PPP4R3A: variants seen among roughly 807,000 people sequenced by gnomAD.
The protein encoded by PPP4R3A is serine/threonine-protein phosphatase 4 regulatory subunit 3A.
A neutral mutation model predicts 91.7 loss-of-function variants in PPP4R3A; 15 were observed. The ratio of observed to expected loss-of-function variants is 0.16; its 90% CI spans 0.11 to 0.25. PPP4R3A has a LOEUF of 0.25. Among genes scored for constraint, PPP4R3A ranks in the 10% least tolerant of loss-of-function variants. The pLI is 1.00. For missense variants in PPP4R3A, 623 were observed against 998.4 expected (o/e 0.62, Z 5.07); for synonymous variants, 377 against 348.7 (o/e 1.08, Z -0.91).
In PPP4R3A at chr14:91,507,420, A is replaced by ATATATAATTATATATACTACATAG. The variant is rs1566660364; in HGVS notation, c.142+2085_142+2086insCTATGTAGTATATATAATTATATA. Among the ~76,000 whole-genome samples the ATATATAATTATATATACTACATAG allele has an allele frequency of 1.8e-4, 14 of 79,750 alleles. 2 individuals are homozygous for ATATATAATTATATATACTACATAG. Among genetic ancestry groups the ATATATAATTATATATACTACATAG allele is most frequent in the Admixed American group, 3.4e-4 (2 of 5,830 alleles). The allele number at this position is 79,750 out of a possible 152,430, so 52.3% of individuals were successfully genotyped here. A position where few individuals can be genotyped will look rare whatever the true frequency, so the allele number is the denominator to read the frequency against. On this transcript the variant is annotated intron_variant, in intron 1 of 14. Coordinates refer to ENST00000554943, the MANE Select transcript of PPP4R3A (RefSeq NM_001366432.2). ...GTACTATAATTATATATACTATATA[A>ATATATAATTATATATACTACATAG]TATATATACTATAATTATATATACT...
In PPP4R3A at chr14:91,507,386, A is replaced by G. The variant is rs1035563539; in HGVS notation, c.142+2120T>C. 8.4e-4 allele frequency among the ~76,000 whole-genome samples: 81 copies of G among 96,254 alleles called. 1 individual carries two copies. Among genetic ancestry groups the G allele is most frequent in the Admixed American group, 2.4e-3 (18 of 7,528 alleles). The allele number at this position is 96,254 out of a possible 152,430, so 63.1% of individuals were successfully genotyped here. A position where few individuals can be genotyped will look rare whatever the true frequency, so the allele number is the denominator to read the frequency against. On this transcript the variant is annotated intron_variant, in intron 1 of 14. Coordinates refer to ENST00000554943, the MANE Select transcript of PPP4R3A (RefSeq NM_001366432.2). ...TATATACTATAATTATATATACTAT[A>G]TAGTATATGTACTATAATTATATAT...
chr14:91,481,582 C>A lies in PPP4R3A; in HGVS notation c.909G>T (p.Met303Ile). 1 of 1,553,300 alleles carries A rather than the reference C, an allele frequency of 6.4e-7. No homozygotes were observed. Among genetic ancestry groups the A allele is most frequent in the African/African-American group, 1.4e-5 (1 of 72,534 alleles). Reference protein sequence around the residue: ...IFFNKVEIVGMLQEDEKFLTD... With the variant: ...IFFNKVEIVGILQEDEKFLTD... ...AAGGAATGATCTAACTCACCTGCAA[C>A]ATGCCAACAATCTCTACCTTATTGA... Residue 303 changes from methionine (M) to isoleucine (I), a missense_variant, in exon 4 of 15, where the codon ATG (methionine) becomes ATT (isoleucine). Physicochemically the swap from Met to Ile is conservative, Grantham distance 10. This residue lies in a region of PPP4R3A where 264 missense variants were observed against 377.3 expected (regional missense o/e 0.70). Transcript: ENST00000554943.
chr14:91,490,825 C>G (rs1474973290), intron 1 of PPP4R3A, 23 bp from the exon 2 acceptor site: 1 of 1,575,190 alleles, frequency 6.3e-7, no homozygotes, highest in Non-Finnish European at 8.7e-7. Context: ...AAAAGACATT[C>G]CATTATGTTA....
chr14:91,501,871 A>ATTTTTTTTTTT (rs755484959), intron 1 of PPP4R3A, among the ~76,000 whole-genome samples: 11 of 100,214 alleles, frequency 1.1e-4, no homozygotes, highest in Non-Finnish European at 1.3e-4. Context: ...AGCCCGGCTA[A>ATTTTTTTTTTT]TTTTTTTTTT....
chr14:91,482,794 T>C (rs1373079258), intron 3 of PPP4R3A, among the ~76,000 whole-genome samples: 2 of 152,054 alleles, frequency 1.3e-5, no homozygotes, highest in African/African-American at 4.8e-5. Flanking sequence ...CCAAAGTGAG[T>C]CACTGATCTT....
chr14:91,461,591 T>G lies in PPP4R3A; in HGVS notation c.2181A>C (p.Glu727Asp). 6.2e-7 allele frequency: 1 copy of G among 1,613,886 alleles called. No homozygotes were observed. Among genetic ancestry groups the G allele is most frequent in the African/African-American group, 1.3e-5 (1 of 75,026 alleles). ...GGTTTGTTTTCAGAAGCACTTCCTT[T>G]TCCTCACTTTCTTTTACTAAAAATG... ...MERKKLKESE[E>D]KEVLLKTNLS... Residue 727 changes from glutamate to aspartate, a missense_variant, in exon 14 of 15, where the codon GAA (glutamate) becomes GAC (aspartate). This residue lies in a region of PPP4R3A where 201 missense variants were observed against 229.9 expected (regional missense o/e 0.87). Transcript: ENST00000554943.
At chr14:91,486,386 G>T (rs1399685224) in intron 2 of PPP4R3A, among the ~76,000 whole-genome samples, 4 of 152,048 alleles carry the variant, frequency 2.6e-5, no homozygotes, top group African/African-American at 9.7e-5. Flanking sequence ...TGTTGCCTAG[G>T]CTGGTCTTGA....
At chr14:91,503,754 TATA>T (rs1272388599) in intron 1 of PPP4R3A, among the ~76,000 whole-genome samples, 17 of 152,122 alleles carry the variant, frequency 1.1e-4, no homozygotes, top group Non-Finnish European at 1.9e-4. Flanking sequence ...AGAAAAGTAG[TATA>T]ATGATTTCAC....
chr14:91,471,002 G>C lies in PPP4R3A; in HGVS notation c.1502-7C>G. On this transcript the variant is annotated splice_polypyrimidine_tract_variant and splice_region_variant and intron_variant, in intron 9 of 14. Coordinates refer to ENST00000554943, the MANE Select transcript of PPP4R3A (RefSeq NM_001366432.2). ...TGGGCAGTCTGAAAATCATCTAAAA[G>C]AAACAAAACACAACTAATTATATTT... 6.4e-7 allele frequency: 1 copy of C among 1,573,734 alleles called. No homozygotes were observed.
chr14:91,507,460 C>CTATAATTATATATACTACATAGTATA (rs1348420326), intron 1 of PPP4R3A, among the ~76,000 whole-genome samples: 4 of 132,914 alleles, frequency 3.0e-5, no homozygotes, highest in Non-Finnish European at 6.2e-5. Flanking sequence ...AGTATATATA[C>CTATAATTATATATACTACATAGTATA]TATAATTATA....
intron 1 of PPP4R3A, among the ~76,000 whole-genome samples, chr14:91,494,911 C>T (rs1023248504): frequency 9.9e-5 from 15 of 152,076 alleles, no homozygotes; most frequent in Non-Finnish European, 2.1e-4. Flanking sequence ...TTAGTACCCA[C>T]TAGAATGTCT....
At chr14:91,495,993 C>A (rs1037350162) in intron 1 of PPP4R3A, among the ~76,000 whole-genome samples, 1 of 152,076 alleles carries the variant, frequency 6.6e-6, no homozygotes, top group African/African-American at 2.4e-5. Flanking sequence ...ACAATGGATA[C>A]CACGAACAAT....
rs1439290604 is a variant in PPP4R3A, at chr14:91,507,451, G to C, written c.142+2055C>G. ...ATACTATAATTATATATACTATATA[G>C]TATATATACTATAATTATATATACT... On this transcript the variant is annotated intron_variant, in intron 1 of 14. Transcript: ENST00000554943. Among the ~76,000 whole-genome samples, 14 of 109,164 alleles carry C rather than the reference G, an allele frequency of 1.3e-4. 1 individual carries two copies. Among genetic ancestry groups the C allele is most frequent in the African/African-American group, 5.1e-4 (14 of 27,500 alleles). 71.6% of individuals were successfully genotyped at this position (109,164 alleles called of 152,430 possible). A position where few individuals can be genotyped will look rare whatever the true frequency, so the allele number is the denominator to read the frequency against.
chr14:91,477,052 A>G (rs1889256716), intron 4 of PPP4R3A, 66 bp from the exon 5 acceptor site: 11 of 1,224,598 alleles, frequency 9.0e-6, no homozygotes, highest in Non-Finnish European at 1.3e-5. Context: ...AATTTCAGGA[A>G]TGCTTTAATA....
intron 9 of PPP4R3A, 35 bp from the exon 10 acceptor site, chr14:91,471,030 T>C (rs1888799650): frequency 6.5e-7 from 1 of 1,541,546 alleles, no homozygotes; most frequent in Non-Finnish European, 8.7e-7. Flanking sequence ...TTATATTTAA[T>C]GACTAACATT....
chr14:91,472,163 C>G (rs1888884427), intron 9 of PPP4R3A, among the ~76,000 whole-genome samples: 1 of 151,738 alleles, frequency 6.6e-6, no homozygotes, highest in Non-Finnish European at 1.5e-5. Context: ...AAAACTACCT[C>G]CTAAATTAAA....
chr14:91,500,092 TACA>T (rs1354985366), intron 1 of PPP4R3A, among the ~76,000 whole-genome samples: 1 of 152,214 alleles, frequency 6.6e-6, no homozygotes, highest in Non-Finnish European at 1.5e-5. Flanking sequence ...TGCAAGTTAA[TACA>T]ACAAGATTTA....
chr14:91,473,904 G>C (rs894463819), intron 7 of PPP4R3A, among the ~76,000 whole-genome samples: 2 of 152,094 alleles, frequency 1.3e-5, no homozygotes, highest in Non-Finnish European at 2.9e-5. Flanking sequence ...CTAGTAGCTG[G>C]GATTACAGGC....
chr14:91,467,721 T>C (rs183845943), intron 10 of PPP4R3A, among the ~76,000 whole-genome samples: 58 of 152,286 alleles, frequency 3.8e-4, no homozygotes, highest in African/African-American at 9.1e-4. Context: ...TTAGAAACGA[T>C]TGCTAGACAC....
Sources: allele counts gnomAD v4.1 joint callset (sites outside exome capture counted in the v4.1 genomes callset), GRCh38; gene constraint gnomAD v4.1.1; regional missense constraint gnomAD v4.1.1; transcripts MANE v1.5; gene names NCBI Gene and HGNC (gene_info 2026-07-23, HGNC 2026-07-21).